Variants in CERS6 observed in about 807,000 individuals in gnomAD.
CERS6 encodes the protein ceramide synthase 6.
Under a neutral mutation model 56.8 loss-of-function variants are expected in CERS6, and 26 were observed. That is an observed-to-expected ratio of 0.46 (90% CI 0.34 to 0.63). The LOEUF (loss-of-function observed/expected upper bound fraction) is 0.63, where lower values mean the gene tolerates loss of function less well. Among genes scored for constraint, CERS6 ranks in the 30% least tolerant of loss-of-function variants. CERS6 has a pLI of 0.01. For synonymous variants in CERS6, 164 were observed against 173.3 expected (o/e 0.95, Z 0.42); for missense variants, 415 against 467.5 (o/e 0.89, Z 1.04).
At chr2:168,558,772 G>A (rs1183730355) in intron 2 of CERS6, among the ~76,000 whole-genome samples, 3 of 152,322 alleles carry the variant, frequency 2.0e-5, no homozygotes, top group African/African-American at 7.2e-5. Context: ...TGGATGCTGA[G>A]GCAGGAGAAT....
chr2:168,473,947 A>G (rs1408295173), intron 1 of CERS6, among the ~76,000 whole-genome samples: 2 of 152,182 alleles, frequency 1.3e-5, no homozygotes, highest in African/African-American at 4.8e-5. Flanking sequence ...AGTCCCAGCT[A>G]CTCAAGAGGC....
At chr2:168,497,009 A>G (rs762051014) in intron 1 of CERS6, among the ~76,000 whole-genome samples, 3 of 152,214 alleles carry the variant, frequency 2.0e-5, no homozygotes, top group Non-Finnish European at 2.9e-5. Flanking sequence ...CCATTCTGCC[A>G]TTTCTAATCT....
intron 1 of CERS6, among the ~76,000 whole-genome samples, chr2:168,506,069 T>G (rs1694671848): frequency 6.6e-6 from 1 of 152,174 alleles, no homozygotes; most frequent in African/African-American, 2.4e-5. Context: ...CCTTTTCTAT[T>G]CTTTTTGAGA....
intron 3 of CERS6, among the ~76,000 whole-genome samples, chr2:168,601,384 A>G (rs1683929020): frequency 6.6e-6 from 1 of 152,200 alleles, no homozygotes; most frequent in Non-Finnish European, 1.5e-5. Context: ...TATCAATAGT[A>G]TTGCATGCTC....
intron 1 of CERS6, among the ~76,000 whole-genome samples, chr2:168,467,065 C>T (rs1057213735): frequency 2.6e-5 from 4 of 152,188 alleles, no homozygotes; most frequent in African/African-American, 9.7e-5. Context: ...CCTTCCCTCT[C>T]TTCTTCCTTT....
At position 168,456,907 on chromosome 2, in the gene CERS6, G is replaced by T. The variant is rs1693676455; in HGVS notation, c.170+289G>T. Among the ~76,000 whole-genome samples the T allele has an allele frequency of 6.6e-6, 1 of 152,214 alleles. No individual in the cohort carries two copies. Among genetic ancestry groups the T allele is most frequent in the African/African-American group, 2.4e-5 (1 of 41,458 alleles). On this transcript the variant is annotated intron_variant, in intron 1 of 9. Coordinates refer to ENST00000305747, the MANE Select transcript of CERS6 (RefSeq NM_203463.3). This position sits in a 1 kb window ranked among gnomAD's most constrained non-coding sequence, Gnocchi z 4.1. Reference sequence around the variant, plus strand: ...CCTGCTCTCCTCCCGGCAAGGGCAGGCGAACAAAGGTGAGCGGTGGTCGGG... The same window carrying T: ...CCTGCTCTCCTCCCGGCAAGGGCAGTCGAACAAAGGTGAGCGGTGGTCGGG...
chr2:168,710,385 A>G (rs1475547121), intron 6 of CERS6, among the ~76,000 whole-genome samples: 1 of 152,216 alleles, frequency 6.6e-6, no homozygotes, highest in Non-Finnish European at 1.5e-5. Context: ...AAATGTGGAA[A>G]ATATTGTTCT....
chr2:168,754,203 G>C (rs1477488032), intron 8 of CERS6, among the ~76,000 whole-genome samples: 1 of 152,152 alleles, frequency 6.6e-6, no homozygotes, highest in East Asian at 1.9e-4. Flanking sequence ...GAAGTTGGAA[G>C]GAAGGAGGGT....
intron 3 of CERS6, among the ~76,000 whole-genome samples, chr2:168,566,926 C>T (rs1453969942): frequency 2.0e-5 from 3 of 152,058 alleles, no homozygotes; most frequent in African/African-American, 7.2e-5. Flanking sequence ...ATGACATGAG[C>T]ATCAGTTACA....
chr2:168,471,926 T>C (rs1693985292), intron 1 of CERS6, among the ~76,000 whole-genome samples: 1 of 152,180 alleles, frequency 6.6e-6, no homozygotes, highest in South Asian at 2.1e-4. Flanking sequence ...AAGTTGAACA[T>C]AGTCTTTTTG....
chr2:168,485,903 T>C (rs1694267148), intron 1 of CERS6, among the ~76,000 whole-genome samples: 1 of 152,172 alleles, frequency 6.6e-6, no homozygotes, highest in African/African-American at 2.4e-5. Flanking sequence ...GATCATATAA[T>C]AAGAGTATGT....
chr2:168,664,771 T>C (rs1286770048), intron 4 of CERS6, among the ~76,000 whole-genome samples: 1 of 152,216 alleles, frequency 6.6e-6, no homozygotes, highest in Non-Finnish European at 1.5e-5. Flanking sequence ...CAAACTGTTT[T>C]ATCAGCAACG....
At chr2:168,719,778 C>T (rs1236384626) in intron 8 of CERS6, among the ~76,000 whole-genome samples, 2 of 152,092 alleles carry the variant, frequency 1.3e-5, no homozygotes, top group Non-Finnish European at 2.9e-5. Flanking sequence ...CTTCCAGTCA[C>T]AATACATCCT....
At chr2:168,579,796 C>A (rs1476253768) in intron 3 of CERS6, among the ~76,000 whole-genome samples, 2 of 152,190 alleles carry the variant, frequency 1.3e-5, no homozygotes, top group African/African-American at 4.8e-5. Flanking sequence ...CTTCATCTCT[C>A]CCAGCTCCTC....
Position 168,678,303 on chromosome 2 carries a change from A to G in CERS6, c.466-12731A>G, listed in dbSNP as rs192424885. Reference sequence around the variant, plus strand: ...GCGAATCGCTGCCTGAGGTACTGTCAGGCCTACGGGAGCTAGATTCCTGCC... The same window carrying G: ...GCGAATCGCTGCCTGAGGTACTGTCGGGCCTACGGGAGCTAGATTCCTGCC... On this transcript the variant is annotated intron_variant, in intron 4 of 9. Transcript: ENST00000305747. 4.8e-3 allele frequency among the ~76,000 whole-genome samples: 725 copies of G among 152,260 alleles called. 8 individuals carry two copies. Among genetic ancestry groups the G allele is most frequent in the South Asian group, 0.016 (76 of 4,808 alleles).
intron 4 of CERS6, among the ~76,000 whole-genome samples, chr2:168,647,835 C>A (rs929796308): frequency 2.0e-5 from 3 of 152,156 alleles, no homozygotes; most frequent in Admixed American, 6.5e-5. Flanking sequence ...GTATGTTGAA[C>A]CAACTTTGCA....
chr2:168,640,452 T>C (rs776754859), intron 4 of CERS6, among the ~76,000 whole-genome samples: 3 of 152,228 alleles, frequency 2.0e-5, no homozygotes, highest in African/African-American at 7.2e-5. Context: ...ATTCTTTCTT[T>C]AAGAATCTGT....
intron 4 of CERS6, among the ~76,000 whole-genome samples, chr2:168,689,886 A>G (rs534004764): frequency 2.4e-4 from 36 of 152,306 alleles, no homozygotes; most frequent in African/African-American, 8.4e-4. Flanking sequence ...GATCAGACTC[A>G]GAGACAGGGT....
chr2:168,561,431 A>G (rs1023529232), intron 3 of CERS6, 109 bp downstream of exon 3: 6 of 1,219,268 alleles, frequency 4.9e-6, no homozygotes, highest in Admixed American at 4.7e-5. Flanking sequence ...AAAAGCTGCA[A>G]TCTGGTGGGA....
Sources: allele counts gnomAD v4.1 joint callset (sites outside exome capture counted in the v4.1 genomes callset), GRCh38; gene constraint gnomAD v4.1.1; non-coding constraint Gnocchi (gnomAD v3.1); transcripts MANE v1.5; gene names NCBI Gene and HGNC (gene_info 2026-07-23, HGNC 2026-07-21).